Variants in TANGO6 observed in about 807,000 individuals in gnomAD.
TANGO6 encodes transport and golgi organization 6 homolog.
A neutral mutation model predicts 114.2 loss-of-function variants in TANGO6; 90 were observed. That is an observed-to-expected ratio of 0.79 (90% CI 0.66 to 0.94). The LOEUF (loss-of-function observed/expected upper bound fraction) is 0.94. TANGO6 is among the 40% of genes least tolerant of loss of function. TANGO6 has a pLI of 0.00. For synonymous variants in TANGO6, 477 were observed against 509.8 expected (o/e 0.94, Z 0.87); for missense variants, 1,274 against 1,315.3 (o/e 0.97, Z 0.49).
chr16:69,006,018 G>A (rs972684503), intron 15 of TANGO6, among the ~76,000 whole-genome samples: 8 of 152,114 alleles, frequency 5.3e-5, no homozygotes, highest in Non-Finnish European at 7.3e-5. Context: ...TTAAATGGCC[G>A]GCTTTGAAGC....
At chr16:69,045,520 G>A (rs988173579) in intron 17 of TANGO6, among the ~76,000 whole-genome samples, 1 of 151,316 alleles carries the variant, frequency 6.6e-6, no homozygotes, top group Non-Finnish European at 1.5e-5. Context: ...AAGGCGGGCG[G>A]ATCACGAGTT....
At chr16:69,038,999 C>T (rs183517241) in intron 16 of TANGO6, among the ~76,000 whole-genome samples, 6 of 152,194 alleles carry the variant, frequency 3.9e-5, no homozygotes, top group Non-Finnish European at 7.4e-5. Flanking sequence ...CTGGCTAACA[C>T]GGTGAAAAAC....
intron 17 of TANGO6, among the ~76,000 whole-genome samples, chr16:69,082,559 A>G (rs1960481592): frequency 6.6e-6 from 1 of 151,836 alleles, no homozygotes; most frequent in African/African-American, 2.4e-5. Flanking sequence ...ATCATGGCCA[A>G]CAAGGTGAAA....
intron 17 of TANGO6, among the ~76,000 whole-genome samples, chr16:69,078,352 T>C (rs1182499038): frequency 3.9e-5 from 6 of 152,170 alleles, no homozygotes; most frequent in Non-Finnish European, 8.8e-5. Context: ...AGGCTCTTGC[T>C]CTCTTCTTAT....
intron 11 of TANGO6, among the ~76,000 whole-genome samples, chr16:68,912,310 C>T (rs974371425): frequency 6.6e-6 from 1 of 152,112 alleles, no homozygotes; most frequent in African/African-American, 2.4e-5. Context: ...CCAGCCTGGG[C>T]AACATGGCAA....
intron 15 of TANGO6, among the ~76,000 whole-genome samples, chr16:68,983,374 AT>A (rs146667039): frequency 8.7e-5 from 13 of 149,842 alleles, no homozygotes; most frequent in East Asian, 5.9e-4. Context: ...GAAAACACTT[AT>A]TTTTTTTTTC....
chr16:69,084,826 T>G lies in TANGO6; in HGVS notation c.*1165T>G, dbSNP rs1353157938. ...GAACCAAAACGCAGTTTCCAAAAGC[T>G]CGAGTGACTGAAGGATCTATACACA... On this transcript the variant is annotated 3_prime_UTR_variant, in exon 18 of 18. Transcript: ENST00000261778. 1 of 152,274 alleles carries G rather than the reference T, an allele frequency of 6.6e-6. No individual in the cohort carries two copies. Among genetic ancestry groups the G allele is most frequent in the Non-Finnish European group, 1.5e-5 (1 of 68,020 alleles). The allele number at this position is 152,274 out of a possible 1,614,324, so 9.4% of individuals were successfully genotyped here.
At chr16:68,957,254 T>C (rs956235311) in intron 14 of TANGO6, among the ~76,000 whole-genome samples, 1 of 152,124 alleles carries the variant, frequency 6.6e-6, no homozygotes, top group Non-Finnish European at 1.5e-5. Flanking sequence ...AATGTAGTCA[T>C]TATCACTATT....
At chr16:68,870,520 G>A (rs1449951875) in intron 4 of TANGO6, among the ~76,000 whole-genome samples, 1 of 152,132 alleles carries the variant, frequency 6.6e-6, no homozygotes, top group Non-Finnish European at 1.5e-5. Context: ...AGAAGGGTTA[G>A]ACCTCACTTA....
chr16:68,926,737 A>T (rs1963172498), intron 12 of TANGO6, among the ~76,000 whole-genome samples: 1 of 151,966 alleles, frequency 6.6e-6, no homozygotes, highest in African/African-American at 2.4e-5. Context: ...CATGTTGGCC[A>T]GTAAAAAGGA....
chr16:69,075,629 CT>C (rs1246566353), intron 17 of TANGO6, among the ~76,000 whole-genome samples: 1 of 150,768 alleles, frequency 6.6e-6, no homozygotes, highest in Non-Finnish European at 1.5e-5. Flanking sequence ...AATTTTTGTA[CT>C]TTTTGTAGAG....
chr16:68,913,457 G>A (rs1386744341), intron 11 of TANGO6, among the ~76,000 whole-genome samples: 1 of 143,230 alleles, frequency 7.0e-6, no homozygotes, highest in East Asian at 2.1e-4. Context: ...CGCCCAGGCT[G>A]GAGTGCAGCA....
At chr16:69,012,087 G>A (rs1333886880) in intron 15 of TANGO6, among the ~76,000 whole-genome samples, 3 of 152,166 alleles carry the variant, frequency 2.0e-5, no homozygotes, top group African/African-American at 7.2e-5. Context: ...AGGTTGATTG[G>A]TGCTGACTTC....
At chr16:69,037,797 A>G (rs1038477408) in intron 16 of TANGO6, among the ~76,000 whole-genome samples, 5 of 152,194 alleles carry the variant, frequency 3.3e-5, no homozygotes, top group African/African-American at 1.2e-4. Context: ...TGCAAGCTGC[A>G]TGTTTGTCTG....
chr16:68,945,203 C>T (rs142065938), intron 14 of TANGO6, among the ~76,000 whole-genome samples: 230 of 152,274 alleles, frequency 1.5e-3, no homozygotes, highest in African/African-American at 4.9e-3. Flanking sequence ...AGAAATGTTA[C>T]ATACTGTTCC....
At chr16:69,039,508 C>T (rs1192054247) in intron 16 of TANGO6, among the ~76,000 whole-genome samples, 2 of 151,682 alleles carry the variant, frequency 1.3e-5, no homozygotes, top group South Asian at 2.1e-4. Flanking sequence ...TGGTGGCGCA[C>T]ACCTGTAGTC....
intron 11 of TANGO6, among the ~76,000 whole-genome samples, chr16:68,911,526 C>T (rs1252983880): frequency 6.6e-6 from 1 of 151,210 alleles, no homozygotes; most frequent in African/African-American, 2.4e-5. Flanking sequence ...AAGTGATTCT[C>T]CTGCCTCAGC....
At chr16:68,912,371 C>G (rs764529943) in intron 11 of TANGO6, among the ~76,000 whole-genome samples, 3 of 152,066 alleles carry the variant, frequency 2.0e-5, no homozygotes, top group African/African-American at 7.2e-5. Context: ...CAGTGGCTCA[C>G]GCCTGGAATC....
At chr16:68,855,206 C>CA (rs1248799097) in intron 1 of TANGO6, among the ~76,000 whole-genome samples, 1,719 of 147,508 alleles carry the variant, frequency 0.012, 25 homozygotes, top group African/African-American at 0.04. Context: ...AGCTCCGTCT[C>CA]AAAAAAAAAT....
Sources: allele counts gnomAD v4.1 joint callset (sites outside exome capture counted in the v4.1 genomes callset), GRCh38; gene constraint gnomAD v4.1.1; transcripts MANE v1.5; gene names NCBI Gene and HGNC (gene_info 2026-07-23, HGNC 2026-07-21).